CEMIP: variants seen among roughly 807,000 people sequenced by gnomAD.
CEMIP encodes the protein cell migration inducing hyaluronidase 1.
A neutral mutation model predicts 156.9 loss-of-function variants in CEMIP; 105 were observed. The ratio of observed to expected loss-of-function variants is 0.67; its 90% CI spans 0.57 to 0.79. CEMIP has a LOEUF of 0.79. Ranked by LOEUF, CEMIP falls within the 30% of genes least tolerant of loss-of-function variation. The pLI is 0.00. For synonymous variants in CEMIP, 676 were observed against 668.4 expected (o/e 1.01, Z -0.17); for missense variants, 1,457 against 1,769.4 (o/e 0.82, Z 3.17).
intron 5 of CEMIP, 84 bp downstream of exon 5, chr15:80,879,938 G>A (rs1404458699): frequency 6.8e-7 from 1 of 1,476,768 alleles, no homozygotes; most frequent in African/African-American, 1.4e-5. Context: ...AGAGGCAAGA[G>A]GGCAAGCTTG....
chr15:80,940,894 G>A (rs1050882301), intron 25 of CEMIP, among the ~76,000 whole-genome samples: 5 of 152,132 alleles, frequency 3.3e-5, no homozygotes, highest in Non-Finnish European at 5.9e-5. Context: ...CCTTCCTCTC[G>A]CGATTCCTTA....
chr15:80,940,770 C>A (rs1250420965), intron 25 of CEMIP, among the ~76,000 whole-genome samples: 1 of 152,146 alleles, frequency 6.6e-6, no homozygotes. Flanking sequence ...TGACAGCAAC[C>A]AAGACAGCAG....
intron 29 of CEMIP, chr15:80,948,199 A>T (rs971360612): frequency 6.2e-6 from 1 of 161,834 alleles, no homozygotes; most frequent in African/African-American, 2.4e-5. Flanking sequence ...AGATGGGCTG[A>T]GTATAGACGT....
chr15:80,789,029 T>A (rs1369435006), intron 1 of CEMIP, among the ~76,000 whole-genome samples: 1 of 152,232 alleles, frequency 6.6e-6, no homozygotes, highest in Non-Finnish European at 1.5e-5. Context: ...ATTATTGAGT[T>A]TTTTGGTGGC....
chr15:80,794,999 G>A (rs1010387997), intron 1 of CEMIP, among the ~76,000 whole-genome samples: 8 of 152,058 alleles, frequency 5.3e-5, no homozygotes, highest in African/African-American at 7.2e-5. Context: ...CAAGAGTGGG[G>A]GCAAGGATGT....
chr15:80,892,116 G>A (rs529333869), intron 10 of CEMIP, among the ~76,000 whole-genome samples: 10 of 152,032 alleles, frequency 6.6e-5, no homozygotes, highest in South Asian at 4.2e-4. Context: ...GAGCTTTTAC[G>A]TGCTCCTCTT....
intron 10 of CEMIP, among the ~76,000 whole-genome samples, chr15:80,890,711 G>A (rs570821247): frequency 2.6e-5 from 4 of 152,106 alleles, no homozygotes; most frequent in Admixed American, 2.0e-4. Flanking sequence ...ATCAAAGCTC[G>A]GGTCCCAGGT....
intron 1 of CEMIP, among the ~76,000 whole-genome samples, chr15:80,788,186 T>A (rs1360657692): frequency 6.6e-6 from 1 of 152,010 alleles, no homozygotes; most frequent in Non-Finnish European, 1.5e-5. Context: ...AAATTTTTTT[T>A]AAGGCCGGGT....
Position 80,906,832 on chromosome 15 carries a change from C to T in CEMIP, c.1581C>T (p.His527=), listed in dbSNP as rs1351610427. ...TTGACTTCGATACCTTTGGGGGCCACATCAAGGTATGTGTCTCTCTGGCAG... is the reference window on the plus strand; with the variant it reads ...TTGACTTCGATACCTTTGGGGGCCATATCAAGGTATGTGTCTCTCTGGCAG... The part of the protein sequence containing the change: ...NFFDFDTFGG[H]IKFALGFKAA... The change falls in exon 13 of 30, where the codon CAC becomes CAT. Residue 527 remains histidine, a synonymous_variant. Transcript: ENST00000394685. This position sits in a 1 kb window ranked among gnomAD's most constrained non-coding sequence, Gnocchi z 4.3. 1.9e-6 allele frequency: 3 copies of T among 1,612,690 alleles called. No individual in the cohort carries two copies. Among genetic ancestry groups the T allele is most frequent in the Non-Finnish European group, 2.5e-6 (3 of 1,179,330 alleles).
In CEMIP at chr15:80,866,464, C is replaced by T. The variant is rs559821871; in HGVS notation, c.-175-7074C>T. 1.1e-4 allele frequency among the ~76,000 whole-genome samples: 17 copies of T among 151,922 alleles called. No individual in the cohort carries two copies. The East Asian group carries it at 1.9e-3, about 17-fold the overall frequency. On this transcript the variant is annotated intron_variant, in intron 1 of 29. Coordinates refer to ENST00000394685, the MANE Select transcript of CEMIP (RefSeq NM_001293298.2). ...AAAATTAGCCAGGCGTGGTGGTGGG[C>T]GCCTGTAATCCCAGCTACTGGGGAG...
At chr15:80,945,437 A>G (rs1038594344) in intron 28 of CEMIP, among the ~76,000 whole-genome samples, 1 of 152,216 alleles carries the variant, frequency 6.6e-6, no homozygotes, top group Non-Finnish European at 1.5e-5. Context: ...TCTGAAATGA[A>G]ACAATGCAGA....
intron 1 of CEMIP, among the ~76,000 whole-genome samples, chr15:80,817,643 T>TAA (rs1896818814): frequency 8.9e-6 from 1 of 112,922 alleles, no homozygotes; most frequent in Admixed American, 9.2e-5. Flanking sequence ...AATAATAATA[T>TAA]GTAAGTAGAA....
chr15:80,904,692 G>A (rs1899719871), intron 12 of CEMIP, among the ~76,000 whole-genome samples: 1 of 152,160 alleles, frequency 6.6e-6, no homozygotes, highest in African/African-American at 2.4e-5. Flanking sequence ...CATGAGCCAA[G>A]GAACACAGGC....
chr15:80,785,425 G>A (rs1287827016), intron 1 of CEMIP, among the ~76,000 whole-genome samples: 2 of 152,188 alleles, frequency 1.3e-5, no homozygotes, highest in Admixed American at 6.5e-5. Flanking sequence ...GTGCAATTGT[G>A]TTCCGTCACC....
At chr15:80,943,249 T>C (rs559615731) in intron 28 of CEMIP, 147 bp downstream of exon 28, 3 of 918,158 alleles carry the variant, frequency 3.3e-6, no homozygotes, top group Admixed American at 1.7e-5. Context: ...ATCATGGGTG[T>C]TGGACAAGAG....
chr15:80,883,503 G>A (rs1898734023), intron 6 of CEMIP, among the ~76,000 whole-genome samples: 1 of 152,144 alleles, frequency 6.6e-6, no homozygotes, highest in Non-Finnish European at 1.5e-5. Context: ...AAAATAAACA[G>A]GAGAAAATAG....
chr15:80,943,412 A>G (rs927882795), intron 28 of CEMIP, among the ~76,000 whole-genome samples: 27 of 152,186 alleles, frequency 1.8e-4, no homozygotes, highest in Non-Finnish European at 2.9e-4. Context: ...CACACCTTCA[A>G]TACGATCCAA....
chr15:80,925,616 T>TG lies in CEMIP; in HGVS notation c.2289-7dup. The TG allele has an allele frequency of 6.2e-7, 1 of 1,611,846 alleles. No individual in the cohort carries two copies. Among genetic ancestry groups the TG allele is most frequent in the Non-Finnish European group, 8.5e-7 (1 of 1,179,876 alleles). ...GCCACCTGTGCCCTCCCCATGGTTG[T>TG]GCTGCAGATACAGCCCTCACCAGGA... On this transcript the variant is annotated splice_region_variant and splice_polypyrimidine_tract_variant and intron_variant, in intron 18 of 29. Coordinates refer to ENST00000394685, the MANE Select transcript of CEMIP (RefSeq NM_001293298.2).
intron 1 of CEMIP, among the ~76,000 whole-genome samples, chr15:80,788,445 TG>T (rs1379488051): frequency 7.4e-6 from 1 of 135,936 alleles, no homozygotes; most frequent in East Asian, 2.1e-4. Context: ...CACTCCAGCC[TG>T]GGCAGCAAGA....
Sources: allele counts gnomAD v4.1 joint callset (sites outside exome capture counted in the v4.1 genomes callset), GRCh38; gene constraint gnomAD v4.1.1; non-coding constraint Gnocchi (gnomAD v3.1); transcripts MANE v1.5; gene names NCBI Gene and HGNC (gene_info 2026-07-23, HGNC 2026-07-21).